The following SVOPL variants were observed in gnomAD, a reference collection of about 807,000 sequenced individuals.
The protein encoded by SVOPL is SVOP like, also known as putative transporter SVOPL.
A neutral mutation model predicts 61.0 loss-of-function variants in SVOPL; 60 were observed. That is an observed-to-expected ratio of 0.98 (90% CI 0.80 to 1.22). SVOPL has a LOEUF of 1.22. Among genes scored for constraint, SVOPL ranks in the 50% most tolerant of loss-of-function variants. The probability of loss-of-function intolerance (pLI) is 0.00; values close to 1 mark genes in which losing one functional copy is unlikely to be tolerated. For missense variants in SVOPL, 662 were observed against 643.9 expected (o/e 1.03, Z -0.30); for synonymous variants, 279 against 250.0 (o/e 1.12, Z -1.09).
chr7:138,622,106 C>CTATGTATCTATCTATCTATG (rs1563096265), intron 13 of SVOPL, among the ~76,000 whole-genome samples: 2 of 45,570 alleles, frequency 4.4e-5, no homozygotes, highest in Non-Finnish European at 9.8e-5. Context: ...ATCTATCTAT[C>CTATGTATCTATCTATCTATG]TATCTATCTA....
intron 7 of SVOPL, among the ~76,000 whole-genome samples, chr7:138,652,844 G>A (rs564253410): frequency 6.6e-5 from 10 of 151,822 alleles, no homozygotes; most frequent in East Asian, 2.0e-4. Context: ...CAGGCTGGTC[G>A]TGAACCCCTG....
chr7:138,678,416 T>G lies in SVOPL; in HGVS notation c.174+18A>C. ...CAGAGTTTGACACTTTTCGTCAACA[T>G]CTCGAAGGAGCACTCACCCCAGTAC... On this transcript the variant is annotated intron_variant, in intron 3 of 15. Coordinates refer to ENST00000674285, the MANE Select transcript of SVOPL (RefSeq NM_001139456.2). 2 of 1,547,764 alleles carry G rather than the reference T, an allele frequency of 1.3e-6. No individual in the cohort carries two copies. Among genetic ancestry groups the G allele is most frequent in the South Asian group, 2.4e-5 (2 of 83,258 alleles).
Position 138,630,920 on chromosome 7 carries a change from G to A in SVOPL, c.790-798C>T, listed in dbSNP as rs34679724. 1.3e-3 allele frequency among the ~76,000 whole-genome samples: 194 copies of A among 148,104 alleles called. 1 individual carries two copies. Among genetic ancestry groups the A allele is most frequent in the Non-Finnish European group, 1.9e-3 (127 of 67,492 alleles). ...ATCACACCATTGCACTGCAGCCTGG[G>A]CAACGAGAGTGAAACTCCATCTCAA... On this transcript the variant is annotated intron_variant, in intron 9 of 15. Transcript: ENST00000674285.
intron 5 of SVOPL, chr7:138,661,246 T>C (rs199824743): frequency 1.0e-6 from 1 of 985,324 alleles, no homozygotes; most frequent in East Asian, 1.1e-4. Context: ...ATTTATGTCT[T>C]GATGTCTAAT....
intron 13 of SVOPL, among the ~76,000 whole-genome samples, chr7:138,622,026 CTATCTATCTATG>C (rs1799626728): frequency 2.6e-5 from 2 of 76,060 alleles, no homozygotes; most frequent in South Asian, 4.2e-4. Flanking sequence ...ATGTATCTAT[CTATCTATCTATG>C]TATCTATCTA....
intron 5 of SVOPL, 31 bp from the exon 6 acceptor site, chr7:138,660,019 C>T (rs1295018730): frequency 1.3e-6 from 2 of 1,550,286 alleles, no homozygotes; most frequent in South Asian, 1.2e-5. Context: ...ATGAATGGGA[C>T]CTGCCTCAAT....
rs762486712 is a variant in SVOPL, at chr7:138,596,457, G to A, written c.1427C>T (p.Ala476Val). The change falls in exon 15 of 16, where the codon GCA (alanine) becomes GTA (valine). Residue 476 changes from alanine (A) to valine (V), a missense_variant. Transcript: ENST00000674285. ...TTTGGTTTCGATGGGGAGAGTGAAT[G>A]CAGAAATGGCGCATACAACACAGAC... Reference protein sequence around the residue: ...SSVCVVCAISAFTLPIETKGR... With the variant: ...SSVCVVCAISVFTLPIETKGR... 1 of 1,614,000 alleles carries A rather than the reference G, an allele frequency of 6.2e-7. No homozygotes were observed. The highest frequency in any genetic ancestry group is 8.5e-7 in the Non-Finnish European group (1 of 1,179,948).
intron 7 of SVOPL, among the ~76,000 whole-genome samples, chr7:138,651,059 C>T (rs745998805): frequency 6.6e-6 from 1 of 151,478 alleles, no homozygotes; most frequent in African/African-American, 2.4e-5. Flanking sequence ...GGATTGAGAG[C>T]ACCTAAAGGA....
intron 13 of SVOPL, among the ~76,000 whole-genome samples, chr7:138,624,348 T>A (rs1293125250): frequency 6.6e-6 from 1 of 152,224 alleles, no homozygotes; most frequent in African/African-American, 2.4e-5. Flanking sequence ...GTCTTCAAAA[T>A]TCACCAGAAA....
intron 1 of SVOPL, among the ~76,000 whole-genome samples, chr7:138,694,184 A>G (rs1483650400): frequency 6.6e-6 from 1 of 152,254 alleles, no homozygotes; most frequent in Non-Finnish European, 1.5e-5. Context: ...ACTCATCCTC[A>G]TGAGATAGTC....
At chr7:138,622,242 C>CTATG (rs1563096713) in intron 13 of SVOPL, among the ~76,000 whole-genome samples, 12 of 84,196 alleles carry the variant, frequency 1.4e-4, no homozygotes, top group African/African-American at 5.1e-4. Context: ...ATGTATCTAT[C>CTATG]TATCTATCTA....
chr7:138,696,052 G>A (rs1190591048), intron 1 of SVOPL, among the ~76,000 whole-genome samples: 1 of 152,112 alleles, frequency 6.6e-6, no homozygotes, highest in African/African-American at 2.4e-5. Context: ...AAAGTGCTAG[G>A]ATTACATGCG....
At chr7:138,652,796 T>C (rs985620545) in intron 7 of SVOPL, among the ~76,000 whole-genome samples, 1 of 152,084 alleles carries the variant, frequency 6.6e-6, no homozygotes, top group South Asian at 2.1e-4. Context: ...GACTAATTTT[T>C]TGTATTTTTA....
chr7:138,597,641 C>CGTGCGTGTGT (rs1554449336), intron 14 of SVOPL, among the ~76,000 whole-genome samples: 9 of 147,518 alleles, frequency 6.1e-5, no homozygotes, highest in African/African-American at 2.3e-4. Context: ...ATAACGTCTG[C>CGTGCGTGTGT]GTGTGTGTGT....
intron 3 of SVOPL, among the ~76,000 whole-genome samples, chr7:138,672,840 A>G (rs149841388): frequency 3.3e-4 from 50 of 151,374 alleles, no homozygotes; most frequent in African/African-American, 1.1e-3. Flanking sequence ...ATTTCTTTCA[A>G]TACAGTTTGA....
At chr7:138,601,215 G>T (rs1798505351) in intron 14 of SVOPL, among the ~76,000 whole-genome samples, 1 of 141,936 alleles carries the variant, frequency 7.0e-6, no homozygotes, top group Non-Finnish European at 1.5e-5. Context: ...TCGTGCCACT[G>T]CACTCTAGCC....
At chr7:138,622,000 A>G (rs1028414974) in intron 13 of SVOPL, among the ~76,000 whole-genome samples, 26 of 126,322 alleles carry the variant, frequency 2.1e-4, no homozygotes, top group East Asian at 7.9e-4. Context: ...GTATCTATCT[A>G]TCTATGTATC....
chr7:138,657,630 C>A (rs751921052), intron 6 of SVOPL, among the ~76,000 whole-genome samples: 35 of 152,066 alleles, frequency 2.3e-4, no homozygotes, highest in Non-Finnish European at 4.0e-4. Flanking sequence ...CTGTTGTTAG[C>A]CAGAATTTGG....
At chr7:138,625,763 A>T (rs1376358235) in intron 13 of SVOPL, among the ~76,000 whole-genome samples, 1 of 152,176 alleles carries the variant, frequency 6.6e-6, no homozygotes, top group Non-Finnish European at 1.5e-5. Context: ...AAGGAAAAAG[A>T]TCCTATCTTC....
Sources: allele counts gnomAD v4.1 joint callset (sites outside exome capture counted in the v4.1 genomes callset), GRCh38; gene constraint gnomAD v4.1.1; transcripts MANE v1.5; gene names NCBI Gene and HGNC (gene_info 2026-07-23, HGNC 2026-07-21).